CSK: variants seen among roughly 807,000 people sequenced by gnomAD.
The protein encoded by CSK is tyrosine-protein kinase CSK.
In CSK, 7 loss-of-function variants were observed where a neutral mutation model predicts 62.3. The observed-to-expected ratio is 0.11, with a 90% CI of 0.06 to 0.21. CSK has a LOEUF of 0.21. Among genes scored for constraint, CSK ranks in the 10% least tolerant of loss-of-function variants. The pLI is 1.00. For synonymous variants in CSK, 237 were observed against 246.0 expected (o/e 0.96, Z 0.34); for missense variants, 294 against 613.5 (o/e 0.48, Z 5.50).
chr15:74,796,826 A>G (rs909777320), intron 1 of CSK, among the ~76,000 whole-genome samples: 1 of 152,210 alleles, frequency 6.6e-6, no homozygotes, highest in Non-Finnish European at 1.5e-5. Context: ...TCCCAAGAGC[A>G]GCTATCCTGA....
At chr15:74,786,873 C>T (rs181701213) in intron 1 of CSK, among the ~76,000 whole-genome samples, 2 of 152,208 alleles carry the variant, frequency 1.3e-5, no homozygotes, top group Non-Finnish European at 2.9e-5. Context: ...CTTGGGCACA[C>T]GACTTCAGAC....
chr15:74,797,380 A>G (rs1359330384), intron 1 of CSK, among the ~76,000 whole-genome samples: 1 of 149,292 alleles, frequency 6.7e-6, no homozygotes, highest in Non-Finnish European at 1.5e-5. Flanking sequence ...ACATGGTGAA[A>G]CCCCATCTCT....
chr15:74,797,720 T>C (rs1243751972), intron 1 of CSK, among the ~76,000 whole-genome samples: 1 of 151,700 alleles, frequency 6.6e-6, no homozygotes, highest in East Asian at 2.0e-4. Context: ...CTTGTAGCCC[T>C]CCTGTGCCTG....
chr15:74,789,522 G>A (rs936181144), intron 1 of CSK, among the ~76,000 whole-genome samples: 2 of 152,218 alleles, frequency 1.3e-5, no homozygotes, highest in African/African-American at 4.8e-5. Context: ...AACTGCTGGT[G>A]GGTGCCCCGC....
At chr15:74,799,583 G>A in intron 5 of CSK, 92 bp downstream of exon 5, 1 of 1,330,992 alleles carries the variant, frequency 7.5e-7, no homozygotes, top group South Asian at 1.4e-5. Context: ...CACTGCTTCT[G>A]CGTGGTGACC....
At chr15:74,785,925 C>T (rs1223489978) in intron 1 of CSK, among the ~76,000 whole-genome samples, 2 of 151,966 alleles carry the variant, frequency 1.3e-5, no homozygotes, top group African/African-American at 4.8e-5. Flanking sequence ...GGTCCGGGAC[C>T]TGACTCCACC....
chr15:74,802,200 T>C, intron 12 of CSK, 117 bp downstream of exon 12: 1 of 1,401,156 alleles, frequency 7.1e-7, no homozygotes, highest in Non-Finnish European at 9.7e-7. Flanking sequence ...AGGCCTGCCC[T>C]GGGGAGCTCA....
chr15:74,783,029 C>T (rs2063460489), intron 1 of CSK, among the ~76,000 whole-genome samples: 1 of 152,212 alleles, frequency 6.6e-6, no homozygotes, highest in Non-Finnish European at 1.5e-5. Flanking sequence ...GAAGAGGATC[C>T]GTATGGGCCA....
chr15:74,796,375 G>A (rs372652965), intron 1 of CSK, among the ~76,000 whole-genome samples: 1 of 152,112 alleles, frequency 6.6e-6, no homozygotes, highest in Non-Finnish European at 1.5e-5. Context: ...GGTGGCAGAG[G>A]TGGAGGCGGA....
At position 74,802,433 on chromosome 15, in the gene CSK, C is replaced by T; in HGVS notation, c.1273C>T (p.Leu425=). The T allele has an allele frequency of 6.2e-7, 1 of 1,612,938 alleles. No individual in the cohort carries two copies. Among genetic ancestry groups the T allele is most frequent in the Non-Finnish European group, 8.5e-7 (1 of 1,179,804 alleles). Residue 425 remains leucine, a synonymous_variant, in exon 13 of 13, where the codon CTG becomes TTG. Coordinates refer to ENST00000220003, the MANE Select transcript of CSK (RefSeq NM_004383.3). The part of the protein sequence containing the change: ...VYEVMKNCWH[L]DAAMRPSFLQ... ...TGAAGTCATGAAGAACTGCTGGCAC[C>T]TGGACGCCGCCATGCGGCCCTCCTT...
At chr15:74,790,849 A>G (rs542815075) in intron 1 of CSK, 1 of 152,212 alleles carries the variant, frequency 6.6e-6, no homozygotes, top group Non-Finnish European at 1.5e-5. Context: ...ACAGGCCACA[A>G]CCAGTGAGGT....
intron 1 of CSK, among the ~76,000 whole-genome samples, chr15:74,792,885 T>A (rs1375289052): frequency 6.6e-6 from 1 of 152,200 alleles, no homozygotes; most frequent in East Asian, 1.9e-4. Context: ...CCCAAGCCCC[T>A]TGTCCCCTAG....
In CSK at chr15:74,798,561, A is replaced by T; in HGVS notation, c.16-54A>T. The T allele has an allele frequency of 6.7e-7, 1 of 1,499,382 alleles. No individual in the cohort carries two copies. Among genetic ancestry groups the T allele is most frequent in the Non-Finnish European group, 9.3e-7 (1 of 1,080,950 alleles). The allele number at this position is 1,499,382 out of a possible 1,614,324, so 92.9% of individuals were successfully genotyped here. A position where few individuals can be genotyped will look rare whatever the true frequency, so the allele number is the denominator to read the frequency against. On this transcript the variant is annotated intron_variant, in intron 2 of 12. Coordinates refer to ENST00000220003, the MANE Select transcript of CSK (RefSeq NM_004383.3). This position sits in a 1 kb window ranked among gnomAD's most constrained non-coding sequence, Gnocchi z 6.6. ...GCTGTGACCACGAGGGTGCGCCAGC[A>T]GGTGGCTGGAGGGGGCCCAGGCTGC...
rs905504885 is a variant in CSK, at chr15:74,802,831, G to T, written c.*318G>T. ...TTTCCTTTTTTGAGATTTTTTTTCC[G>T]TGTGTTTATTTTTTATTATTTTTCA... is the stretch of plus-strand genomic sequence containing the variant. On this transcript the variant is annotated 3_prime_UTR_variant, in exon 13 of 13. Coordinates refer to ENST00000220003, the MANE Select transcript of CSK (RefSeq NM_004383.3). 3.5e-6 allele frequency: 1 copy of T among 287,912 alleles called. No homozygotes were observed. The highest frequency in any genetic ancestry group is 6.4e-6 in the Non-Finnish European group (1 of 155,714). 17.8% of individuals were successfully genotyped at this position (287,912 alleles called of 1,614,324 possible). A position where few individuals can be genotyped will look rare whatever the true frequency, so the allele number is the denominator to read the frequency against.
chr15:74,791,252 T>C lies in CSK; in HGVS notation c.-65-6981T>C, dbSNP rs1200071185. Among the ~76,000 whole-genome samples, 3 of 152,054 alleles carry C rather than the reference T, an allele frequency of 2.0e-5. No homozygotes were observed. The South Asian group carries it at 6.2e-4, about 32-fold the overall frequency. On this transcript the variant is annotated intron_variant, in intron 1 of 12. Coordinates refer to ENST00000220003, the MANE Select transcript of CSK (RefSeq NM_004383.3). ...TTCCATAGAGAACCTGCACCTGGCT[T>C]TTTTTTTCACAGCCTTTTATTTTGA...
Position 74,798,578 on chromosome 15 carries a change from C to G in CSK, c.16-37C>G. The G allele has an allele frequency of 6.3e-7, 1 of 1,583,670 alleles. No individual in the cohort carries two copies. The highest frequency in any genetic ancestry group is 1.7e-4 in the Middle Eastern group (1 of 6,030). On this transcript the variant is annotated intron_variant, in intron 2 of 12. Coordinates refer to ENST00000220003, the MANE Select transcript of CSK (RefSeq NM_004383.3). The surrounding 1 kb of genome is among the most constrained non-coding windows in gnomAD (Gnocchi z 6.6). ...GCGCCAGCAGGTGGCTGGAGGGGGCCCAGGCTGCACCCGCCCACGTGTCAC... is the reference window on the plus strand; with the variant it reads ...GCGCCAGCAGGTGGCTGGAGGGGGCGCAGGCTGCACCCGCCCACGTGTCAC...
At chr15:74,802,138 G>A (rs2063801989) in intron 12 of CSK, 55 bp downstream of exon 12, 2 of 1,573,226 alleles carry the variant, frequency 1.3e-6, no homozygotes, top group Non-Finnish European at 1.7e-6. Context: ...GGGGTTGGCA[G>A]GGGCGTGAGC....
At chr15:74,802,229 T>C in intron 12 of CSK, 102 bp from the exon 13 acceptor site, 1 of 1,423,400 alleles carries the variant, frequency 7.0e-7, no homozygotes, top group Non-Finnish European at 9.5e-7. Flanking sequence ...TCTCCGGGCC[T>C]GGGTCTGCGG....
intron 12 of CSK, 64 bp downstream of exon 12, chr15:74,802,147 G>A: frequency 6.6e-7 from 1 of 1,525,370 alleles, no homozygotes; most frequent in African/African-American, 1.4e-5. Context: ...AGGGGCGTGA[G>A]CCTCCTTGGG....
Sources: gnomAD v4.1 joint callset for allele counts (sites outside exome capture counted in the v4.1 genomes callset) on GRCh38, gnomAD v4.1.1 for gene constraint, Gnocchi (gnomAD v3.1) non-coding constraint, MANE v1.5 for transcripts, NCBI Gene and HGNC (gene_info 2026-07-23, HGNC 2026-07-21) for gene names.